ZNF568: variants seen among roughly 807,000 people sequenced by gnomAD.
ZNF568 encodes the protein zinc finger protein 568, also known as p53 inhibitor of SCO2 activation.
Under a neutral mutation model 18.1 loss-of-function variants are expected in ZNF568, and 11 were observed. The observed-to-expected ratio is 0.61, with a 90% CI of 0.38 to 1.00. ZNF568 has a LOEUF of 1.00. Among genes scored for constraint, ZNF568 ranks in the 50% least tolerant of loss-of-function variants. The pLI is 0.01. For missense variants in ZNF568, 639 were observed against 768.2 expected, an observed-to-expected ratio of 0.83 and a Z score of 1.99; for synonymous variants, 213 against 246.6, an observed-to-expected ratio of 0.86 and a Z score of 1.28.
At chr19:36,971,102 G>A (rs757099734) in intron 6 of ZNF568, among the ~76,000 whole-genome samples, 6 of 151,858 alleles carry the variant, frequency 4.0e-5, no homozygotes, top group Admixed American at 2.0e-4. Context: ...GAATACAGGC[G>A]GGCACCTGTA....
chr19:36,988,442 A>G (rs985214945), intron 2 of ZNF568, among the ~76,000 whole-genome samples: 1 of 152,186 alleles, frequency 6.6e-6, no homozygotes, highest in African/African-American at 2.4e-5. Flanking sequence ...GGTGCTCAGG[A>G]AACTTACCAT....
chr19:36,949,948 T>C lies in ZNF568; in HGVS notation c.795T>C (p.Leu265=). Residue 265 remains leucine (L), a synonymous_variant, in exon 7 of 7, where the codon CTT becomes CTC. Transcript: ENST00000333987. Reference sequence around the variant, plus strand: ...AAGCCTTCAGTAGGAAGGAAAATCTTATTACACATCAGAAAATTCATACTG... The same window carrying C: ...AAGCCTTCAGTAGGAAGGAAAATCTCATTACACATCAGAAAATTCATACTG... ...CGKAFSRKEN[L]ITHQKIHTGE... 2 of 1,613,762 alleles carry C rather than the reference T, an allele frequency of 1.2e-6. No homozygotes were observed. The highest frequency in any genetic ancestry group is 1.7e-6 in the Non-Finnish European group (2 of 1,179,916).
At chr19:36,935,553 C>G (rs1267429622) in intron 4 of ZNF568, among the ~76,000 whole-genome samples, 2 of 111,306 alleles carry the variant, frequency 1.8e-5, no homozygotes, top group Non-Finnish European at 3.7e-5. Context: ...GACTGAGACT[C>G]TGTATCAAAA....
chr19:36,990,469 G>C (rs2074413838), intron 2 of ZNF568, among the ~76,000 whole-genome samples: 2 of 152,146 alleles, frequency 1.3e-5, no homozygotes, highest in Admixed American at 6.5e-5. Flanking sequence ...ACAAAAATTA[G>C]CCAGATGTGG....
chr19:36,945,759 G>GTGTGTA (rs2073953789), intron 6 of ZNF568, among the ~76,000 whole-genome samples: 1 of 144,316 alleles, frequency 6.9e-6, no homozygotes, highest in African/African-American at 2.7e-5. Context: ...GTGTGTGTGT[G>GTGTGTA]TGTATGTATG....
At chr19:36,955,502 G>GT (rs770199831), downstream of ZNF568, among the ~76,000 whole-genome samples, 1 of 152,068 alleles carries the variant, frequency 6.6e-6, no homozygotes, top group Non-Finnish European at 1.5e-5. Context: ...AGATGATCTG[G>GT]TCTCTGTAAA....
Position 36,951,474 on chromosome 19 carries a change from T to G in ZNF568, c.*386T>G, listed in dbSNP as rs1489213870. ...TGTGTGATATTAGTACATTAGTAGG[T>G]AAATGAGCAGATTTTAAAGAATAGA... On this transcript the variant is annotated 3_prime_UTR_variant, in exon 7 of 7. Transcript: ENST00000333987. 6.4e-6 allele frequency: 1 copy of G among 155,208 alleles called. No individual in the cohort carries two copies. Among genetic ancestry groups the G allele is most frequent in the Admixed American group, 6.5e-5 (1 of 15,410 alleles). The allele number at this position is 155,208 out of a possible 1,614,324, so 9.6% of individuals were successfully genotyped here. A position where few individuals can be genotyped will look rare whatever the true frequency, so the allele number is the denominator to read the frequency against.
intron 6 of ZNF568, among the ~76,000 whole-genome samples, chr19:36,942,060 T>C (rs1476910886): frequency 2.6e-5 from 4 of 151,020 alleles, no homozygotes; most frequent in African/African-American, 9.7e-5. Context: ...CTTTGCTCAC[T>C]GCAGCTCTGC....
chr19:36,930,887 A>G (rs111263843), intron 4 of ZNF568, among the ~76,000 whole-genome samples: 2,590 of 152,332 alleles, frequency 0.017, 33 homozygotes, highest in African/African-American at 0.036. Flanking sequence ...TTAACTGGTA[A>G]AAAATATCTA....
At chr19:36,947,006 T>TTTTGTTTGTTTG (rs141590920) in intron 6 of ZNF568, among the ~76,000 whole-genome samples, 4 of 149,376 alleles carry the variant, frequency 2.7e-5, no homozygotes, top group African/African-American at 7.4e-5. Context: ...CTAGAAGATT[T>TTTTGTTTGTTTG]TTTGTTTGTT....
At chr19:36,930,892 TATCTA>T (rs2073676031) in intron 4 of ZNF568, among the ~76,000 whole-genome samples, 1 of 152,196 alleles carries the variant, frequency 6.6e-6, no homozygotes, top group Non-Finnish European at 1.5e-5. Context: ...TGGTAAAAAA[TATCTA>T]AACCCAGCTC....
At chr19:36,927,860 GTATATATATA>G (rs1219440874) in intron 4 of ZNF568, among the ~76,000 whole-genome samples, 4 of 32,128 alleles carry the variant, frequency 1.2e-4, no homozygotes, top group Non-Finnish European at 2.0e-4. Flanking sequence ...GTGTGTGTGT[GTATATATATA>G]TATATATATA....
At chr19:36,973,031 G>A (rs1393353017) in intron 6 of ZNF568, among the ~76,000 whole-genome samples, 1 of 152,222 alleles carries the variant, frequency 6.6e-6, no homozygotes, top group Non-Finnish European at 1.5e-5. Flanking sequence ...GTGCTCGGGT[G>A]CAGCTGGGCA....
Position 36,922,680 on chromosome 19 carries a change from G to C in ZNF568, c.-91G>C. On this transcript the variant is annotated 5_prime_UTR_variant, in exon 3 of 7. Coordinates refer to ENST00000333987, the MANE Select transcript of ZNF568 (RefSeq NM_198539.4). ...TGGAAGGAGACCTGACCTGAGACCT[G>C]CCTTAGAGGCTGGAGAGTCCTGAAA... 1 of 1,108,462 alleles carries C rather than the reference G, an allele frequency of 9.0e-7. No individual in the cohort carries two copies. The highest frequency in any genetic ancestry group is 2.4e-5 in the East Asian group (1 of 41,860). 68.7% of individuals were successfully genotyped at this position (1,108,462 alleles called of 1,614,324 possible).
At chr19:36,974,252 C>T (rs1340405051) in intron 6 of ZNF568, among the ~76,000 whole-genome samples, 3 of 152,124 alleles carry the variant, frequency 2.0e-5, no homozygotes, top group Non-Finnish European at 4.4e-5. Flanking sequence ...TCTCTCTGGG[C>T]TCCTAAGGTC....
intron 2 of ZNF568, among the ~76,000 whole-genome samples, chr19:36,919,194 T>A (rs2073407673): frequency 6.6e-6 from 1 of 152,198 alleles, no homozygotes; most frequent in Admixed American, 6.5e-5. Flanking sequence ...CGATAATGAC[T>A]GAACCATTTT....
chr19:36,942,598 C>CAAAAAAA (rs1157835192), intron 6 of ZNF568, among the ~76,000 whole-genome samples: 1 of 68,466 alleles, frequency 1.5e-5, no homozygotes, highest in Non-Finnish European at 2.7e-5. Flanking sequence ...GACTCCGTCT[C>CAAAAAAA]AAAAAAAAAA....
intron 6 of ZNF568, among the ~76,000 whole-genome samples, chr19:36,974,185 C>T (rs1197045212): frequency 6.6e-6 from 1 of 152,072 alleles, no homozygotes; most frequent in Non-Finnish European, 1.5e-5. Context: ...TGAAAGTTTC[C>T]CAAGTTAGGC....
chr19:36,965,648 C>G (rs2074188362), intron 6 of ZNF568, among the ~76,000 whole-genome samples: 1 of 151,264 alleles, frequency 6.6e-6, no homozygotes, highest in South Asian at 2.1e-4. Flanking sequence ...TTACAGAATG[C>G]TTTCATGCTT....
Sources: gnomAD v4.1 joint callset for allele counts (sites outside exome capture counted in the v4.1 genomes callset) on GRCh38, gnomAD v4.1.1 for gene constraint, MANE v1.5 for transcripts, NCBI Gene and HGNC (gene_info 2026-07-23, HGNC 2026-07-21) for gene names.